CNTNAP5: variants seen among roughly 807,000 people sequenced by gnomAD.
CNTNAP5 encodes contactin associated protein family member 5, also known as contactin-associated protein-like 5.
Under a neutral mutation model 150.2 loss-of-function variants are expected in CNTNAP5, and 72 were observed. The observed-to-expected ratio is 0.48, with a 90% CI of 0.40 to 0.58. The LOEUF (loss-of-function observed/expected upper bound fraction) is 0.58. Among genes scored for constraint, CNTNAP5 ranks in the 20% least tolerant of loss-of-function variants. The pLI, the probability that CNTNAP5 is intolerant of heterozygous loss-of-function variation, is 0.00. For synonymous variants in CNTNAP5, 672 were observed against 619.8 expected (o/e 1.08, Z -1.25); for missense variants, 1,636 against 1,626.2 (o/e 1.01, Z -0.10).
At chr2:124,587,849 A>G (rs1448716978) in intron 11 of CNTNAP5, among the ~76,000 whole-genome samples, 4 of 152,170 alleles carry the variant, frequency 2.6e-5, no homozygotes, top group Non-Finnish European at 4.4e-5. Context: ...TTACATGATG[A>G]CTATTTCCCC....
chr2:124,443,225 C>A (rs1692719888), intron 5 of CNTNAP5, among the ~76,000 whole-genome samples: 1 of 149,092 alleles, frequency 6.7e-6, no homozygotes, highest in Non-Finnish European at 1.5e-5. Flanking sequence ...CCCTATATAT[C>A]ATATATATGA....
At chr2:124,645,388 G>A (rs1393105779) in intron 12 of CNTNAP5, among the ~76,000 whole-genome samples, 1 of 152,080 alleles carries the variant, frequency 6.6e-6, no homozygotes, top group African/African-American at 2.4e-5. Context: ...GCAATATAAT[G>A]AGAGCCCATC....
intron 13 of CNTNAP5, among the ~76,000 whole-genome samples, chr2:124,648,701 G>A (rs1678257021): frequency 1.3e-5 from 2 of 152,114 alleles, no homozygotes; most frequent in Admixed American, 1.3e-4. Flanking sequence ...AGACTCAAGA[G>A]TTTCTGTAAA....
intron 12 of CNTNAP5, among the ~76,000 whole-genome samples, chr2:124,626,639 C>T (rs981505367): frequency 1.3e-5 from 2 of 152,142 alleles, no homozygotes; most frequent in African/African-American, 2.4e-5. Context: ...GGTGGCTGTT[C>T]GAGCAGGCAC....
intron 1 of CNTNAP5, among the ~76,000 whole-genome samples, chr2:124,113,197 A>C (rs549705423): frequency 1.5e-3 from 227 of 152,272 alleles, no homozygotes; most frequent in Middle Eastern, 0.014. Flanking sequence ...AGCATGATTC[A>C]TAGTAGCTAG....
intron 13 of CNTNAP5, among the ~76,000 whole-genome samples, chr2:124,711,072 ACCAG>A (rs1371749203): frequency 6.6e-6 from 1 of 152,028 alleles, no homozygotes; most frequent in Non-Finnish European, 1.5e-5. Flanking sequence ...GGAGTTGAAG[ACCAG>A]CCTGGCCAAC....
intron 19 of CNTNAP5, among the ~76,000 whole-genome samples, chr2:124,800,460 CTGTT>C (rs1681944505): frequency 6.6e-6 from 1 of 152,084 alleles, no homozygotes; most frequent in Non-Finnish European, 1.5e-5. Flanking sequence ...CATCACAACC[CTGTT>C]TGATTGATTT....
At chr2:124,329,522 G>C (rs1287530905) in intron 3 of CNTNAP5, among the ~76,000 whole-genome samples, 1 of 152,054 alleles carries the variant, frequency 6.6e-6, no homozygotes, top group Non-Finnish European at 1.5e-5. Context: ...AAGGTGCTCA[G>C]CATGCCAAAG....
chr2:124,728,899 T>C (rs1393645926), intron 13 of CNTNAP5, among the ~76,000 whole-genome samples: 3 of 152,064 alleles, frequency 2.0e-5, no homozygotes, highest in Non-Finnish European at 2.9e-5. Flanking sequence ...GCTAGACTAT[T>C]TTCTATTATC....
chr2:124,128,624 C>T lies in CNTNAP5; in HGVS notation c.83-93081C>T, dbSNP rs537450237. The stretch of plus-strand genomic sequence containing the variant: ...GACACATGCACACGTATGTTTATTG[C>T]GGCACTATTCACAATAGAAAAGACT... On this transcript the variant is annotated intron_variant, in intron 1 of 23. Transcript: ENST00000682447. Among the ~76,000 whole-genome samples, 53 of 152,124 alleles carry T rather than the reference C, an allele frequency of 3.5e-4. No individual in the cohort carries two copies. In the South Asian group the frequency reaches 6.2e-3, roughly 18 times the overall value.
At chr2:124,860,457 T>G (rs1677494376) in intron 19 of CNTNAP5, among the ~76,000 whole-genome samples, 1 of 17,210 alleles carries the variant, frequency 5.8e-5, no homozygotes, top group East Asian at 2.0e-3. Context: ...CCTTCTTTCC[T>G]TCCTTCCTTC....
At chr2:124,579,782 C>T (rs1193456704) in intron 11 of CNTNAP5, among the ~76,000 whole-genome samples, 1 of 152,178 alleles carries the variant, frequency 6.6e-6, no homozygotes, top group Non-Finnish European at 1.5e-5. Flanking sequence ...ATGATGGTCA[C>T]TGAGAGTGGT....
intron 22 of CNTNAP5, 101 bp from the exon 23 acceptor site, chr2:124,911,366 G>T: frequency 2.5e-6 from 2 of 786,334 alleles, no homozygotes; most frequent in South Asian, 3.0e-5. Context: ...GAGGGCACCT[G>T]GTGTAATGCA....
At chr2:124,571,250 A>G (rs1172721997) in intron 11 of CNTNAP5, among the ~76,000 whole-genome samples, 1 of 152,162 alleles carries the variant, frequency 6.6e-6, no homozygotes, top group African/African-American at 2.4e-5. Flanking sequence ...AGGGAGGTCC[A>G]TAGGGAATAT....
chr2:124,821,147 G>T (rs2104669327), intron 19 of CNTNAP5, among the ~76,000 whole-genome samples: 1 of 152,272 alleles, frequency 6.6e-6, no homozygotes, highest in East Asian at 1.9e-4. Context: ...ATGTATCTGG[G>T]AACAATAATA....
At chr2:124,276,779 A>G (rs959009280) in intron 3 of CNTNAP5, among the ~76,000 whole-genome samples, 1 of 152,160 alleles carries the variant, frequency 6.6e-6, no homozygotes, top group Non-Finnish European at 1.5e-5. Flanking sequence ...TTATAGACAA[A>G]TGAGTGTGCA....
At chr2:124,887,549 T>G (rs1010063337) in intron 21 of CNTNAP5, among the ~76,000 whole-genome samples, 10 of 152,122 alleles carry the variant, frequency 6.6e-5, no homozygotes, top group Admixed American at 6.6e-5. Flanking sequence ...ATTAAATAGC[T>G]GTGTATGTAT....
intron 1 of CNTNAP5, among the ~76,000 whole-genome samples, chr2:124,113,136 A>T (rs76591215): frequency 0.094 from 14,259 of 152,182 alleles, 789 homozygotes; most frequent in Non-Finnish European, 0.13. Flanking sequence ...TGGCTCAACA[A>T]TTCCACTTCT....
chr2:124,588,112 C>T lies in CNTNAP5; in HGVS notation c.1757-21689C>T, dbSNP rs1372116259. ...TTTCTTTCTTTTCTTCCTTCCTTCC[C>T]TCCTTTTCCTTCCTTCCTTTTCCTT... On this transcript the variant is annotated intron_variant, in intron 11 of 23. Coordinates refer to ENST00000682447, the MANE Select transcript of CNTNAP5 (RefSeq NM_001367498.1). Among the ~76,000 whole-genome samples the T allele has an allele frequency of 1.3e-3, 182 of 135,518 alleles. 15 individuals are homozygous for T. Among genetic ancestry groups the T allele is most frequent in the African/African-American group, 3.3e-3 (118 of 35,396 alleles). The allele number at this position is 135,518 out of a possible 152,430, so 88.9% of individuals were successfully genotyped here.
Sources: gnomAD v4.1 joint callset for allele counts (sites outside exome capture counted in the v4.1 genomes callset) on GRCh38, gnomAD v4.1.1 for gene constraint, MANE v1.5 for transcripts, NCBI Gene and HGNC (gene_info 2026-07-23, HGNC 2026-07-21) for gene names.